Variants in ATP2B1 observed in about 807,000 individuals in gnomAD.
ATP2B1 encodes ATPase plasma membrane Ca2+ transporting 1.
A neutral mutation model predicts 124.2 loss-of-function variants in ATP2B1; 14 were observed. That is an observed-to-expected ratio of 0.11 (90% CI 0.07 to 0.18). ATP2B1 has a LOEUF of 0.18. Ranked by LOEUF, ATP2B1 falls within the 10% of genes least tolerant of loss-of-function variation. The probability of loss-of-function intolerance (pLI) is 1.00; values close to 1 mark genes in which losing one functional copy is unlikely to be tolerated. For missense variants in ATP2B1, 763 were observed against 1,466.1 expected (o/e 0.52, Z 7.83); for synonymous variants, 449 against 492.4 (o/e 0.91, Z 1.17).
chr12:89,664,034 G>T (rs891790244), intron 1 of ATP2B1, among the ~76,000 whole-genome samples: 11 of 152,072 alleles, frequency 7.2e-5, no homozygotes, highest in African/African-American at 2.7e-4. Flanking sequence ...TGCATTTACA[G>T]GGCCTATTTA....
chr12:89,694,494 G>C (rs1890896328), intron 1 of ATP2B1, among the ~76,000 whole-genome samples: 1 of 152,006 alleles, frequency 6.6e-6, no homozygotes, highest in African/African-American at 2.4e-5. Context: ...AAGGGGCATG[G>C]CCAAAGAATC....
intron 9 of ATP2B1, among the ~76,000 whole-genome samples, chr12:89,622,208 A>G (rs1880103548): frequency 6.6e-6 from 1 of 152,096 alleles, no homozygotes; most frequent in East Asian, 1.9e-4. Flanking sequence ...CCTCCTTATT[A>G]AGTGGAAAAC....
intron 15 of ATP2B1, 49 bp downstream of exon 15, chr12:89,609,887 CA>C (rs1456092833): frequency 6.5e-7 from 1 of 1,536,630 alleles, no homozygotes; most frequent in Non-Finnish European, 9.0e-7. Flanking sequence ...AACAAACAAA[CA>C]AACCAGTCAG....
chr12:89,696,990 GT>G (rs886155558), intron 1 of ATP2B1, among the ~76,000 whole-genome samples: 36 of 107,044 alleles, frequency 3.4e-4, no homozygotes, highest in African/African-American at 1.0e-3. Flanking sequence ...CATTAGTTTT[GT>G]TTTTTTTTTC....
chr12:89,599,337 T>C (rs780473210), intron 19 of ATP2B1, 38 bp from the exon 20 acceptor site: 3 of 1,598,622 alleles, frequency 1.9e-6, no homozygotes, highest in Non-Finnish European at 2.6e-6. Flanking sequence ...ATAAATCATA[T>C]CAAGTAAAGG....
chr12:89,640,007 A>ATG (rs1409508474), intron 3 of ATP2B1, among the ~76,000 whole-genome samples: 1 of 152,198 alleles, frequency 6.6e-6, no homozygotes, highest in East Asian at 1.9e-4. Flanking sequence ...ATTCAGCTGT[A>ATG]TGTTGCTGAA....
intron 1 of ATP2B1, among the ~76,000 whole-genome samples, chr12:89,658,651 GAGAT>G (rs1489330339): frequency 2.1e-4 from 31 of 150,532 alleles, no homozygotes; most frequent in African/African-American, 6.4e-4. Flanking sequence ...GAGAGAGATA[GAGAT>G]AGCATGTGGC....
In ATP2B1 at chr12:89,590,956, A is replaced by G. The variant is rs1374837999; in HGVS notation, c.*28T>C. On this transcript the variant is annotated 3_prime_UTR_variant, in exon 21 of 21. Transcript: ENST00000428670. ...GTTTCAATTTGTTTCTTTACAATGC[A>G]GCTAGTGTGTTAACATTCAGCTTAC... 2.3e-5 allele frequency: 36 copies of G among 1,589,978 alleles called. No homozygotes were observed. Among genetic ancestry groups the G allele is most frequent in the Non-Finnish European group, 2.6e-5 (30 of 1,162,844 alleles).
intron 1 of ATP2B1, among the ~76,000 whole-genome samples, chr12:89,662,080 A>G (rs1036090756): frequency 8.5e-5 from 13 of 152,154 alleles, no homozygotes; most frequent in African/African-American, 3.1e-4. Context: ...GCAACAAACC[A>G]TGCTTTATCC....
chr12:89,656,736 T>C (rs1436501013), intron 1 of ATP2B1, among the ~76,000 whole-genome samples: 1 of 152,236 alleles, frequency 6.6e-6, no homozygotes, highest in African/African-American at 2.4e-5. Flanking sequence ...ATATGATTTG[T>C]CACATGTTAC....
At chr12:89,636,506 GA>G (rs756246921) in intron 3 of ATP2B1, among the ~76,000 whole-genome samples, 5 of 152,158 alleles carry the variant, frequency 3.3e-5, no homozygotes, top group Admixed American at 6.5e-5. Flanking sequence ...AAATTGAATT[GA>G]AATGTCTGAA....
Position 89,603,762 on chromosome 12 carries a change from A to C in ATP2B1, c.2798T>G (p.Leu933Trp), listed in dbSNP as rs769393317. 1 of 1,614,188 alleles carries C rather than the reference A, an allele frequency of 6.2e-7. No individual in the cohort carries two copies. Among genetic ancestry groups the C allele is most frequent in the Non-Finnish European group, 8.5e-7 (1 of 1,180,006 alleles). ...TACAAGTTGATAGAATGCATGACCC[A>C]AAATATTCTTCATCATTGTACGTGA... ...LISRTMMKNI[L>W]GHAFYQLVVV... Residue 933 changes from leucine to tryptophan, a missense_variant, in exon 17 of 21, where the codon TTG becomes TGG. Physicochemically the swap from Leu to Trp is moderately conservative, Grantham distance 61. Around this residue, in one of 7 missense-constraint regions of ATP2B1, gnomAD observed 118 missense variants for 240.3 expected, o/e 0.49. Transcript: ENST00000428670. The surrounding 1 kb of genome is among the most constrained non-coding windows in gnomAD (Gnocchi z 4.3).
chr12:89,667,489 T>C (rs1198889706), intron 1 of ATP2B1, among the ~76,000 whole-genome samples: 1 of 152,230 alleles, frequency 6.6e-6, no homozygotes, highest in Non-Finnish European at 1.5e-5. Flanking sequence ...TGCCAGGCCA[T>C]GTTCTGTTAA....
intron 2 of ATP2B1, among the ~76,000 whole-genome samples, chr12:89,646,246 G>A (rs1225935767): frequency 1.3e-5 from 2 of 152,076 alleles, no homozygotes; most frequent in East Asian, 3.9e-4. Context: ...AACAAGTGTA[G>A]GTGTCTAGTA....
chr12:89,661,998 A>G (rs746860211), intron 1 of ATP2B1, among the ~76,000 whole-genome samples: 13 of 152,202 alleles, frequency 8.5e-5, no homozygotes, highest in Non-Finnish European at 1.6e-4. Context: ...AATGTCCTAT[A>G]GAAGGTTTGG....
At chr12:89,703,585 T>G (rs1892109897) in intron 1 of ATP2B1, among the ~76,000 whole-genome samples, 1 of 152,154 alleles carries the variant, frequency 6.6e-6, no homozygotes, top group Non-Finnish European at 1.5e-5. Flanking sequence ...ATGCATTATT[T>G]TTATGAATAT....
chr12:89,691,524 T>A (rs1025059463), intron 1 of ATP2B1, among the ~76,000 whole-genome samples: 1 of 152,132 alleles, frequency 6.6e-6, no homozygotes, highest in African/African-American at 2.4e-5. Context: ...CACAAAAATC[T>A]TCTGTCAATG....
rs184588664 is a variant in ATP2B1 at position 89,624,269 on chromosome 12, A to G, written c.1258T>C (p.Phe420Leu). ...ACTAAAACTGTAACTCCAATAATGA[A>G]GAACTTCACAAAGTATTGTATATAA... is the stretch of plus-strand genomic sequence containing the variant. ...PIYIQYFVKFFIIGVTVLVVA... is the reference protein window; with the variant it reads ...PIYIQYFVKFLIIGVTVLVVA... The change falls in exon 9 of 21, where the codon TTC (phenylalanine) becomes CTC (leucine). Residue 420 changes from phenylalanine (F) to leucine (L), a missense_variant. Phe to Leu is a conservative substitution (Grantham distance 22). Transcript: ENST00000428670. The G allele has an allele frequency of 6.2e-7, 1 of 1,614,226 alleles. No individual in the cohort carries two copies. Among genetic ancestry groups the G allele is most frequent in the Admixed American group, 1.7e-5 (1 of 60,032 alleles).
chr12:89,639,032 T>A, intron 3 of ATP2B1, among the ~76,000 whole-genome samples: 1 of 152,180 alleles, frequency 6.6e-6, no homozygotes, highest in East Asian at 1.9e-4. Context: ...TATAGATTTA[T>A]TTATGGTTTG....
Sources: allele counts gnomAD v4.1 joint callset (sites outside exome capture counted in the v4.1 genomes callset), GRCh38; gene constraint gnomAD v4.1.1; regional missense constraint gnomAD v4.1.1; non-coding constraint Gnocchi (gnomAD v3.1); transcripts MANE v1.5; gene names NCBI Gene and HGNC (gene_info 2026-07-23, HGNC 2026-07-21).